The following CLVS1 variants were observed in gnomAD, a reference collection of about 807,000 sequenced individuals.
The protein encoded by CLVS1 is clavesin 1.
A neutral mutation model predicts 33.1 loss-of-function variants in CLVS1; 10 were observed. The ratio of observed to expected loss-of-function variants is 0.30; its 90% CI spans 0.19 to 0.51. CLVS1 has a LOEUF of 0.51. Among genes scored for constraint, CLVS1 ranks in the 20% least tolerant of loss-of-function variants. The probability of loss-of-function intolerance (pLI) is 0.97; values close to 1 mark genes in which losing one functional copy is unlikely to be tolerated. For missense variants in CLVS1, 343 were observed against 433.4 expected (o/e 0.79, Z 1.85); for synonymous variants, 163 against 166.1 (o/e 0.98, Z 0.14).
chr8:60,981,795 G>A, the CLVS1 span, among the ~76,000 whole-genome samples: 1 of 152,240 alleles, frequency 6.6e-6, no homozygotes, highest in Admixed American at 6.5e-5. Context: ...GCCGAGGATG[G>A]CAAGACTTGG....
the CLVS1 span, among the ~76,000 whole-genome samples, chr8:61,044,093 C>G: frequency 2.0e-5 from 3 of 152,126 alleles, no homozygotes; most frequent in African/African-American, 7.2e-5. Flanking sequence ...GGACCTGAAG[C>G]AAGAAAATTC....
the CLVS1 span, among the ~76,000 whole-genome samples, chr8:61,037,339 C>T: frequency 6.6e-6 from 1 of 152,118 alleles, no homozygotes; most frequent in African/African-American, 2.4e-5. Flanking sequence ...CTATCTTTAT[C>T]AATTTGACCG....
At chr8:61,307,183 C>A (rs915613805) in intron 2 of CLVS1, among the ~76,000 whole-genome samples, 1 of 152,116 alleles carries the variant, frequency 6.6e-6, no homozygotes, top group African/African-American at 2.4e-5. Flanking sequence ...AAATGCATTG[C>A]AAGTCATAAT....
intron 2 of CLVS1, among the ~76,000 whole-genome samples, chr8:61,187,840 T>C (rs984503883): frequency 6.7e-6 from 1 of 149,940 alleles, no homozygotes; most frequent in Non-Finnish European, 1.5e-5. Flanking sequence ...TATACATACA[T>C]GTACACACAT....
chr8:61,108,250 C>A (rs543701522), intron 1 of CLVS1, among the ~76,000 whole-genome samples: 4 of 149,710 alleles, frequency 2.7e-5, no homozygotes, highest in Non-Finnish European at 5.9e-5. Flanking sequence ...AAAAAAAAAT[C>A]TCTGCCCTCA....
chr8:61,333,549 T>G (rs1324685185), intron 2 of CLVS1, among the ~76,000 whole-genome samples: 1 of 152,126 alleles, frequency 6.6e-6, no homozygotes, highest in African/African-American at 2.4e-5. Context: ...TATGTGAGAA[T>G]AAATATACTG....
At chr8:61,467,594 G>A (rs952624703) in intron 5 of CLVS1, among the ~76,000 whole-genome samples, 8 of 152,064 alleles carry the variant, frequency 5.3e-5, no homozygotes, top group Non-Finnish European at 1.2e-4. Context: ...ATAGGAAGGG[G>A]CAGTGGTTTC....
chr8:61,475,785 A>G (rs559344918), intron 5 of CLVS1, among the ~76,000 whole-genome samples: 2 of 151,770 alleles, frequency 1.3e-5, no homozygotes, highest in Non-Finnish European at 3.0e-5. Context: ...TGCTGTGCAG[A>G]AGCTCTTTAG....
chr8:61,038,520 A>G, the CLVS1 span, among the ~76,000 whole-genome samples: 2 of 151,160 alleles, frequency 1.3e-5, no homozygotes, highest in African/African-American at 2.4e-5. Context: ...ATATGTATTT[A>G]TTTGTCCCAG....
chr8:61,419,746 A>G (rs1417191121), intron 3 of CLVS1, among the ~76,000 whole-genome samples: 1 of 152,210 alleles, frequency 6.6e-6, no homozygotes, highest in African/African-American at 2.4e-5. Context: ...AGGTCTCTGT[A>G]GGCTCTCAGG....
At chr8:61,319,464 C>T (rs1423286828) in intron 2 of CLVS1, among the ~76,000 whole-genome samples, 1 of 152,192 alleles carries the variant, frequency 6.6e-6, no homozygotes, top group Non-Finnish European at 1.5e-5. Context: ...CCTGTTACAA[C>T]TAGGATTCCT....
At chr8:61,148,704 A>G (rs749492607) in intron 2 of CLVS1, among the ~76,000 whole-genome samples, 3 of 152,242 alleles carry the variant, frequency 2.0e-5, no homozygotes, top group Non-Finnish European at 4.4e-5. Context: ...TGTGACAGCC[A>G]GACCAAATCT....
chr8:61,447,926 G>A (rs1259923326), intron 3 of CLVS1, among the ~76,000 whole-genome samples: 1 of 152,038 alleles, frequency 6.6e-6, no homozygotes, highest in African/African-American at 2.4e-5. Context: ...ACTGAGCTAT[G>A]CTTTTAGAAT....
At chr8:61,298,068 G>A (rs963059966) in intron 1 of CLVS1, among the ~76,000 whole-genome samples, 3 of 152,124 alleles carry the variant, frequency 2.0e-5, no homozygotes. Context: ...ATCATCATCC[G>A]TGTCATTGAT....
At chr8:61,216,587 T>C (rs1203953119) in intron 2 of CLVS1, among the ~76,000 whole-genome samples, 1 of 152,206 alleles carries the variant, frequency 6.6e-6, no homozygotes, top group African/African-American at 2.4e-5. Context: ...TTTATTTCAT[T>C]ACCTTGGAAG....
At chr8:61,036,690 T>C in the CLVS1 span, among the ~76,000 whole-genome samples, 1 of 152,230 alleles carries the variant, frequency 6.6e-6, no homozygotes, top group Non-Finnish European at 1.5e-5. Context: ...CTATGTGCTT[T>C]TAAGCAAGAC....
intron 5 of CLVS1, 56 bp downstream of exon 5, chr8:61,458,598 A>G: frequency 8.5e-7 from 1 of 1,171,602 alleles, no homozygotes; most frequent in East Asian, 2.5e-5. Context: ...GGAATTTTTT[A>G]TTTGGACCTA....
chr8:61,027,801 G>A, the CLVS1 span, among the ~76,000 whole-genome samples: 1 of 152,076 alleles, frequency 6.6e-6, no homozygotes, highest in African/African-American at 2.4e-5. Context: ...TTGTCATCAG[G>A]ATATTTGAGG....
intron 3 of CLVS1, among the ~76,000 whole-genome samples, chr8:61,419,470 G>A (rs1416815235): frequency 6.6e-6 from 1 of 151,614 alleles, no homozygotes; most frequent in Non-Finnish European, 1.5e-5. Context: ...GGGAAAATGG[G>A]GAATTTTTTC....
Sources: gnomAD v4.1 joint callset for allele counts (sites outside exome capture counted in the v4.1 genomes callset) on GRCh38, gnomAD v4.1.1 for gene constraint, MANE v1.5 for transcripts, NCBI Gene and HGNC (gene_info 2026-07-23, HGNC 2026-07-21) for gene names.